FBXW2: variants seen among roughly 807,000 people sequenced by gnomAD.
FBXW2 encodes the protein F-box and WD repeat domain containing 2.
In FBXW2, 12 loss-of-function variants were observed where a neutral mutation model predicts 46.0. The observed-to-expected ratio is 0.26, with a 90% CI of 0.17 to 0.42. FBXW2 has a LOEUF of 0.42. Ranked by LOEUF, FBXW2 falls within the 10% of genes least tolerant of loss-of-function variation. The pLI, the probability that FBXW2 is intolerant of heterozygous loss-of-function variation, is 1.00. For synonymous variants in FBXW2, 203 were observed against 209.6 expected (o/e 0.97, Z 0.27); for missense variants, 360 against 537.0 (o/e 0.67, Z 3.26).
chr9:120,777,703 T>TCCCCAC (rs2044526227), intron 4 of FBXW2, among the ~76,000 whole-genome samples: 1 of 135,936 alleles, frequency 7.4e-6, no homozygotes, highest in African/African-American at 2.7e-5. Context: ...ACACAAAGCC[T>TCCCCAC]CCCCACCCCC....
At chr9:120,770,076 T>C (rs1310725257) in intron 7 of FBXW2, among the ~76,000 whole-genome samples, 1 of 152,156 alleles carries the variant, frequency 6.6e-6, no homozygotes, top group African/African-American at 2.4e-5. Context: ...CAAATAGTCA[T>C]GCATAAAAAC....
At chr9:120,791,395 T>C (rs1293425626) in intron 2 of FBXW2, among the ~76,000 whole-genome samples, 1 of 152,258 alleles carries the variant, frequency 6.6e-6, no homozygotes, top group Non-Finnish European at 1.5e-5. Flanking sequence ...GATGTTTTAC[T>C]GATTCAGCCA....
intron 7 of FBXW2, 142 bp from the exon 8 acceptor site, chr9:120,764,989 A>G (rs1393230493): frequency 5.7e-6 from 4 of 700,782 alleles, no homozygotes; most frequent in Admixed American, 3.2e-5. Flanking sequence ...AAAGTAAAAT[A>G]TAAGGAGAAA....
intron 7 of FBXW2, among the ~76,000 whole-genome samples, chr9:120,770,114 C>T (rs1588028136): frequency 6.6e-6 from 1 of 152,172 alleles, no homozygotes; most frequent in Non-Finnish European, 1.5e-5. Context: ...CGGTGGCTCA[C>T]GCATGTAATC....
intron 2 of FBXW2, among the ~76,000 whole-genome samples, chr9:120,790,990 C>T (rs968918189): frequency 2.0e-5 from 3 of 152,210 alleles, no homozygotes; most frequent in Admixed American, 6.5e-5. Context: ...TTAAACCACT[C>T]AATCCCTTGT....
chr9:120,773,960 G>A (rs867626377), intron 5 of FBXW2, among the ~76,000 whole-genome samples: 1 of 152,328 alleles, frequency 6.6e-6, no homozygotes, highest in African/African-American at 2.4e-5. Context: ...AGAGGCCGAG[G>A]AGGGAGGACT....
intron 2 of FBXW2, among the ~76,000 whole-genome samples, chr9:120,789,160 T>C (rs1421592133): frequency 6.6e-6 from 1 of 152,150 alleles, no homozygotes; most frequent in East Asian, 1.9e-4. Context: ...AGGTATGTGA[T>C]TTGCCTATAT....
At chr9:120,776,336 C>A in intron 4 of FBXW2, 110 bp from the exon 5 acceptor site, 1 of 1,271,698 alleles carries the variant, frequency 7.9e-7, no homozygotes, top group South Asian at 1.5e-5. Context: ...CAACCAGAGA[C>A]ACCGTAAGAA....
chr9:120,779,680 T>C (rs1269278230), intron 3 of FBXW2, among the ~76,000 whole-genome samples: 1 of 152,192 alleles, frequency 6.6e-6, no homozygotes, highest in Non-Finnish European at 1.5e-5. Context: ...GTCCCTATTT[T>C]CAGAGAGTTT....
chr9:120,764,124 G>T lies in FBXW2; in HGVS notation c.*435C>A. On this transcript the variant is annotated 3_prime_UTR_variant, in exon 8 of 8. Transcript: ENST00000608872. The stretch of plus-strand genomic sequence containing the variant: ...TAAACCCCGTGTGAGGAAAGTTGCT[G>T]TAACAACATCATAGCACCTTTGCTT... 3.0e-6 allele frequency: 1 copy of T among 335,512 alleles called. No homozygotes were observed. The highest frequency in any genetic ancestry group is 5.3e-6 in the Non-Finnish European group (1 of 187,360). 20.8% of individuals were successfully genotyped at this position (335,512 alleles called of 1,614,324 possible).
At chr9:120,773,110 C>T (rs1421960944) in intron 5 of FBXW2, among the ~76,000 whole-genome samples, 1 of 151,720 alleles carries the variant, frequency 6.6e-6, no homozygotes, top group Admixed American at 6.6e-5. Context: ...TTGCTTGAGC[C>T]CAGGAGTTGG....
chr9:120,764,987 A>C, intron 7 of FBXW2, 140 bp from the exon 8 acceptor site: 1 of 708,842 alleles, frequency 1.4e-6, no homozygotes. Flanking sequence ...AAAAAGTAAA[A>C]TATAAGGAGA....
intron 7 of FBXW2, among the ~76,000 whole-genome samples, chr9:120,765,919 A>G (rs2044268424): frequency 6.6e-6 from 1 of 152,162 alleles, no homozygotes. Context: ...ACACCTAGCT[A>G]AACAGCAGCA....
chr9:120,781,673 C>T (rs554163558), intron 3 of FBXW2, among the ~76,000 whole-genome samples: 4 of 143,710 alleles, frequency 2.8e-5, no homozygotes, highest in South Asian at 2.2e-4. Flanking sequence ...CACACACACA[C>T]ACATACACAC....
rs2044154643 is a variant in FBXW2 at position 120,758,698 on chromosome 9, A to G, written c.*5861T>C. ...GCAATGAATCACTTTACCAAGCCAC[A>G]GCTTTCTCATCTGTAAAACAGGAAT... On this transcript the variant is annotated 3_prime_UTR_variant, in exon 8 of 8. Coordinates refer to ENST00000608872, the MANE Select transcript of FBXW2 (RefSeq NM_012164.4). 6.6e-6 allele frequency: 1 copy of G among 152,242 alleles called. No homozygotes were observed. The highest frequency in any genetic ancestry group is 2.1e-4 in the South Asian group (1 of 4,828). The allele number at this position is 152,242 out of a possible 1,614,324, so 9.4% of individuals were successfully genotyped here. A position where few individuals can be genotyped will look rare whatever the true frequency, so the allele number is the denominator to read the frequency against.
chr9:120,787,672 A>G, intron 3 of FBXW2, 97 bp downstream of exon 3: 1 of 1,340,450 alleles, frequency 7.5e-7, no homozygotes, highest in Non-Finnish European at 1.0e-6. Flanking sequence ...TATCTCATAT[A>G]ATCAACACTT....
intron 2 of FBXW2, among the ~76,000 whole-genome samples, chr9:120,791,214 A>G (rs1159592533): frequency 6.6e-6 from 1 of 152,184 alleles, no homozygotes; most frequent in Non-Finnish European, 1.5e-5. Context: ...GGTTGCACAA[A>G]CCTCAGGAAA....
chr9:120,782,091 T>TA, intron 3 of FBXW2, among the ~76,000 whole-genome samples: 1 of 151,794 alleles, frequency 6.6e-6, no homozygotes, highest in East Asian at 1.9e-4. Flanking sequence ...GACATCATGC[T>TA]AAGTGAACTA....
At chr9:120,788,867 C>T (rs116539111) in intron 2 of FBXW2, among the ~76,000 whole-genome samples, 1 of 152,100 alleles carries the variant, frequency 6.6e-6, no homozygotes, top group African/African-American at 2.4e-5. Context: ...GGAAGAAAAG[C>T]AGGTGTGGTA....
Sources: allele counts gnomAD v4.1 joint callset (sites outside exome capture counted in the v4.1 genomes callset), GRCh38; gene constraint gnomAD v4.1.1; transcripts MANE v1.5; gene names NCBI Gene and HGNC (gene_info 2026-07-23, HGNC 2026-07-21).